Variants in TMEM117 observed in about 807,000 individuals in gnomAD.
TMEM117 encodes transmembrane protein 117.
In TMEM117, 27 loss-of-function variants were observed where a neutral mutation model predicts 52.4. The observed-to-expected ratio is 0.51, with a 90% CI of 0.38 to 0.71. The LOEUF (loss-of-function observed/expected upper bound fraction) is 0.71, where lower values mean the gene tolerates loss of function less well. Ranked by LOEUF, TMEM117 falls within the 30% of genes least tolerant of loss-of-function variation. The probability of loss-of-function intolerance (pLI) is 0.00; values close to 1 mark genes in which losing one functional copy is unlikely to be tolerated. For synonymous variants in TMEM117, 215 were observed against 206.3 expected (o/e 1.04, Z -0.36); for missense variants, 556 against 630.5 (o/e 0.88, Z 1.26).
chr12:44,311,494 C>T (rs990552589), intron 6 of TMEM117, among the ~76,000 whole-genome samples: 2 of 150,098 alleles, frequency 1.3e-5, no homozygotes, highest in East Asian at 3.9e-4. Context: ...GGTGTAGATG[C>T]AAACTGGAGA....
chr12:44,224,001 T>G (rs1241399214), intron 5 of TMEM117, among the ~76,000 whole-genome samples: 3 of 152,152 alleles, frequency 2.0e-5, no homozygotes, highest in Non-Finnish European at 4.4e-5. Context: ...CTGTGTGGGC[T>G]TTTACTGTAC....
chr12:44,049,662 T>A (rs1946938968), intron 3 of TMEM117, among the ~76,000 whole-genome samples: 1 of 152,158 alleles, frequency 6.6e-6, no homozygotes, highest in Non-Finnish European at 1.5e-5. Flanking sequence ...GCTATATTTA[T>A]GTGTTAAGAT....
At position 44,252,105 on chromosome 12, in the gene TMEM117, A is replaced by T. The variant is rs11182445; in HGVS notation, c.608+40718A>T. 6.7e-3 allele frequency among the ~76,000 whole-genome samples: 1,015 copies of T among 152,124 alleles called. 20 individuals are homozygous for T. Among genetic ancestry groups the T allele is most frequent in the East Asian group, 0.055 (284 of 5,164 alleles). On this transcript the variant is annotated intron_variant, in intron 5 of 7. Transcript: ENST00000266534. ...TTATCTACAGTCTTCTCTCAGTTTC[A>T]CAAGCTTGCTGCATGCTTCGTCTCT...
chr12:44,007,962 A>G (rs941716560), intron 3 of TMEM117, among the ~76,000 whole-genome samples: 4 of 152,160 alleles, frequency 2.6e-5, no homozygotes, highest in South Asian at 2.1e-4. Context: ...TTATGTCTCT[A>G]TCACCAGCAT....
chr12:44,025,009 T>A (rs563855773), intron 3 of TMEM117, among the ~76,000 whole-genome samples: 1 of 152,266 alleles, frequency 6.6e-6, no homozygotes, highest in East Asian at 1.9e-4. Context: ...AAAAGGTGAC[T>A]AAGTTGCTCC....
chr12:43,957,427 A>G (rs1945326709), intron 3 of TMEM117, among the ~76,000 whole-genome samples: 3 of 152,212 alleles, frequency 2.0e-5, no homozygotes, highest in African/African-American at 4.8e-5. Flanking sequence ...ACTATACAAT[A>G]TGCTGCATTA....
chr12:44,104,873 G>T (rs575578488), intron 3 of TMEM117, among the ~76,000 whole-genome samples: 1 of 151,876 alleles, frequency 6.6e-6, no homozygotes, highest in East Asian at 1.9e-4. Context: ...CTGTAGGTAA[G>T]GTATTTTTTT....
chr12:44,315,984 G>A (rs1019862362), intron 6 of TMEM117, among the ~76,000 whole-genome samples: 2 of 151,966 alleles, frequency 1.3e-5, no homozygotes, highest in African/African-American at 4.8e-5. Flanking sequence ...CTGTGAGAGG[G>A]GTCTCTGGAA....
intron 6 of TMEM117, among the ~76,000 whole-genome samples, chr12:44,309,989 T>A (rs1277920928): frequency 6.6e-6 from 1 of 152,210 alleles, no homozygotes; most frequent in Non-Finnish European, 1.5e-5. Flanking sequence ...CAGTGTGACC[T>A]TAGTTAAGTC....
At position 44,295,678 on chromosome 12, in the gene TMEM117, T is replaced by G. The variant is rs543782001; in HGVS notation, c.609-3902T>G. 5.9e-5 allele frequency among the ~76,000 whole-genome samples: 7 copies of G among 118,836 alleles called. No individual in the cohort carries two copies. The South Asian group carries it at 7.0e-4, about 12-fold the overall frequency. The allele number at this position is 118,836 out of a possible 152,430, so 78.0% of individuals were successfully genotyped here. A position where few individuals can be genotyped will look rare whatever the true frequency, so the allele number is the denominator to read the frequency against. On this transcript the variant is annotated intron_variant, in intron 5 of 7. Transcript: ENST00000266534. ...TGTATTCTTCAATCCAGGATTTCTG[T>G]TTTTTTTTTTATGGTTTCTATTTTT...
At chr12:44,105,619 G>A (rs1947939204) in intron 3 of TMEM117, among the ~76,000 whole-genome samples, 1 of 151,936 alleles carries the variant, frequency 6.6e-6, no homozygotes, top group Admixed American at 6.6e-5. Context: ...ATAGCCCTAT[G>A]GTTAGGTCTC....
chr12:44,296,788 C>G (rs1950774586), intron 5 of TMEM117, among the ~76,000 whole-genome samples: 1 of 152,194 alleles, frequency 6.6e-6, no homozygotes, highest in South Asian at 2.1e-4. Context: ...CTGAGATCAG[C>G]CGGTCTGTTG....
chr12:44,093,626 A>T (rs1216091612), intron 3 of TMEM117, among the ~76,000 whole-genome samples: 1 of 152,108 alleles, frequency 6.6e-6, no homozygotes, highest in African/African-American at 2.4e-5. Flanking sequence ...TATTTCTAGG[A>T]AGTTATAAAC....
chr12:43,884,109 C>G (rs1354516002), intron 2 of TMEM117, among the ~76,000 whole-genome samples: 1 of 147,466 alleles, frequency 6.8e-6, no homozygotes, highest in Non-Finnish European at 1.5e-5. Context: ...GCACTCCAGC[C>G]TGGGCAACAG....
chr12:44,332,833 C>T (rs911642995), intron 6 of TMEM117, among the ~76,000 whole-genome samples: 19 of 151,634 alleles, frequency 1.3e-4, no homozygotes, highest in Admixed American at 3.3e-4. Context: ...CCAGCATTTT[C>T]ATAGTAAGTA....
intron 3 of TMEM117, among the ~76,000 whole-genome samples, chr12:43,971,634 A>T (rs1248068485): frequency 2.6e-5 from 4 of 152,192 alleles, no homozygotes; most frequent in Non-Finnish European, 5.9e-5. Flanking sequence ...CCTTAAGGTC[A>T]GGTAAAATGT....
chr12:44,202,206 A>G (rs778866034), intron 4 of TMEM117, among the ~76,000 whole-genome samples: 2 of 152,180 alleles, frequency 1.3e-5, no homozygotes, highest in African/African-American at 2.4e-5. Flanking sequence ...CTAAATAAAT[A>G]GAAAATATTA....
chr12:44,062,345 C>A (rs972952362), intron 3 of TMEM117, among the ~76,000 whole-genome samples: 1 of 152,112 alleles, frequency 6.6e-6, no homozygotes, highest in Non-Finnish European at 1.5e-5. Context: ...TTGTAAGAGG[C>A]GGTTAGGTAT....
At chr12:44,236,460 A>AAAGCTGCCATATCCTTT (rs1325270438) in intron 5 of TMEM117, among the ~76,000 whole-genome samples, 1 of 152,018 alleles carries the variant, frequency 6.6e-6, no homozygotes, top group African/African-American at 2.4e-5. Flanking sequence ...TGTTTTTGTC[A>AAAGCTGCCATATCCTTT]AAGCTGCCAT....
Sources: gnomAD v4.1 joint callset for allele counts (sites outside exome capture counted in the v4.1 genomes callset) on GRCh38, gnomAD v4.1.1 for gene constraint, MANE v1.5 for transcripts, NCBI Gene and HGNC (gene_info 2026-07-23, HGNC 2026-07-21) for gene names.